The following WDFY4 variants were observed in gnomAD, a reference collection of about 807,000 sequenced individuals.
WDFY4 encodes WD repeat- and FYVE domain-containing protein 4.
A neutral mutation model predicts 351.9 loss-of-function variants in WDFY4; 169 were observed. The observed-to-expected ratio is 0.48, with a 90% CI of 0.42 to 0.55. The LOEUF is 0.55. Among genes scored for constraint, WDFY4 ranks in the 20% least tolerant of loss-of-function variants. WDFY4 has a pLI of 0.00. For missense variants in WDFY4, 3,803 were observed against 3,935.6 expected, an observed-to-expected ratio of 0.97 and a Z score of 0.90; for synonymous variants, 1,622 against 1,574.6, an observed-to-expected ratio of 1.03 and a Z score of -0.71.
intron 39 of WDFY4, among the ~76,000 whole-genome samples, chr10:48,846,348 G>A (rs1234844690): frequency 6.6e-6 from 1 of 152,176 alleles, no homozygotes; most frequent in Non-Finnish European, 1.5e-5. Flanking sequence ...CCTTCTGAAA[G>A]CCCACCAAGC....
At chr10:48,704,753 C>G (rs897183934) in intron 1 of WDFY4, among the ~76,000 whole-genome samples, 1 of 152,222 alleles carries the variant, frequency 6.6e-6, no homozygotes, top group African/African-American at 2.4e-5. Context: ...CACCGACTGG[C>G]GAAGGGACCC....
rs2136275528 is a variant in WDFY4, at chr10:48,684,938, T to A, written c.-81T>A. 2 of 152,600 alleles carry A rather than the reference T, an allele frequency of 1.3e-5. 1 individual carries two copies. Among genetic ancestry groups the A allele is most frequent in the South Asian group, 4.1e-4 (2 of 4,832 alleles). 9.5% of individuals were successfully genotyped at this position (152,600 alleles called of 1,614,324 possible). ...TCCTCTTCCCCCGAGCCTGAGGGGCTGCAGCTGGGGATAGGGGGCCCATGC... is the reference window on the plus strand; with the variant it reads ...TCCTCTTCCCCCGAGCCTGAGGGGCAGCAGCTGGGGATAGGGGGCCCATGC... On this transcript the variant is annotated 5_prime_UTR_variant, in exon 1 of 62. Coordinates refer to ENST00000325239, the MANE Select transcript of WDFY4 (RefSeq NM_001394531.1).
At chr10:48,915,319 G>A (rs1838414951) in intron 47 of WDFY4, among the ~76,000 whole-genome samples, 1 of 152,142 alleles carries the variant, frequency 6.6e-6, no homozygotes, top group South Asian at 2.1e-4. Context: ...GCTCAGAAGT[G>A]AGGAAGGTCT....
intron 14 of WDFY4, among the ~76,000 whole-genome samples, chr10:48,774,947 A>G (rs907195627): frequency 6.6e-6 from 1 of 151,668 alleles, no homozygotes; most frequent in South Asian, 2.1e-4. Flanking sequence ...TGTAGAGTTC[A>G]CTAGACAAAG....
In WDFY4 at chr10:48,817,376, G is replaced by A; in HGVS notation, c.5472G>A (p.Leu1824=). Residue 1824 remains leucine (L), a synonymous_variant, in exon 32 of 62, where the codon TTG becomes TTA. Coordinates refer to ENST00000325239, the MANE Select transcript of WDFY4 (RefSeq NM_001394531.1). The part of the protein sequence containing the change: ...AWRAPEFLQT[L]AIAAFPLGAQ... ...GAGCCCCGGAGTTCCTCCAGACCTT[G>A]GCCATAGCCGCCTTCCCCCTGGGAG... The A allele has an allele frequency of 6.4e-7, 1 of 1,551,356 alleles. No individual in the cohort carries two copies.
At chr10:48,710,075 A>G in intron 2 of WDFY4, 109 bp downstream of exon 2, 3 of 1,069,568 alleles carry the variant, frequency 2.8e-6, no homozygotes, top group Non-Finnish European at 3.9e-6. Context: ...GTGGACTCTG[A>G]TTGGTTGCTC....
chr10:48,852,328 C>T (rs781087298), intron 39 of WDFY4, among the ~76,000 whole-genome samples: 6 of 152,176 alleles, frequency 3.9e-5, no homozygotes, highest in Non-Finnish European at 7.3e-5. Flanking sequence ...CACTTGGCCT[C>T]GATATCTTCT....
intron 43 of WDFY4, chr10:48,877,912 G>A (rs2070094599): frequency 6.6e-6 from 1 of 152,354 alleles, no homozygotes; most frequent in African/African-American, 2.4e-5. Flanking sequence ...AATGGAAGAT[G>A]AAGCACATGT....
intron 11 of WDFY4, among the ~76,000 whole-genome samples, chr10:48,736,986 A>C (rs1007567270): frequency 1.3e-5 from 2 of 152,254 alleles, no homozygotes; most frequent in African/African-American, 4.8e-5. Flanking sequence ...AAATAGTTAA[A>C]TACATATAAC....
chr10:48,780,136 A>G lies in WDFY4; in HGVS notation c.3576+17A>G. 1.3e-6 allele frequency: 2 copies of G among 1,551,466 alleles called. No homozygotes were observed. Among genetic ancestry groups the G allele is most frequent in the Non-Finnish European group, 1.7e-6 (2 of 1,146,652 alleles). On this transcript the variant is annotated intron_variant, in intron 19 of 61. Transcript: ENST00000325239. The stretch of plus-strand genomic sequence containing the variant: ...TCTGCCAAGGTGAGATGGCTCCTCC[A>G]AGCTGCACTTGCCCCACAACCATAC...
intron 39 of WDFY4, among the ~76,000 whole-genome samples, chr10:48,836,617 T>G (rs2068403983): frequency 6.6e-6 from 1 of 152,208 alleles, no homozygotes; most frequent in Non-Finnish European, 1.5e-5. Flanking sequence ...GTAGAAAATG[T>G]TTTATTCCTG....
chr10:48,770,634 G>C (rs1170714303), intron 13 of WDFY4, among the ~76,000 whole-genome samples: 7 of 152,248 alleles, frequency 4.6e-5, no homozygotes, highest in Admixed American at 4.6e-4. Context: ...AAGGAAGAGA[G>C]AGTTGGAGCC....
At chr10:48,837,587 G>A (rs952289517) in intron 39 of WDFY4, among the ~76,000 whole-genome samples, 5 of 152,162 alleles carry the variant, frequency 3.3e-5, no homozygotes, top group African/African-American at 4.8e-5. Flanking sequence ...AGTGAGGCTG[G>A]GACAGGTGAG....
At chr10:48,788,452 G>A (rs2066567797) in intron 20 of WDFY4, 78 bp from the exon 21 acceptor site, 1 of 1,465,974 alleles carries the variant, frequency 6.8e-7, no homozygotes, top group East Asian at 2.5e-5. Context: ...CTGTGTGACA[G>A]AGATATTAAA....
chr10:48,706,574 A>G (rs542217248), intron 1 of WDFY4, among the ~76,000 whole-genome samples: 5 of 152,360 alleles, frequency 3.3e-5, no homozygotes, highest in African/African-American at 1.2e-4. Context: ...AAAAGATTAC[A>G]CATAGGGAAG....
chr10:48,697,112 C>A (rs1311846739), intron 1 of WDFY4, among the ~76,000 whole-genome samples: 2 of 152,156 alleles, frequency 1.3e-5, no homozygotes, highest in African/African-American at 2.4e-5. Flanking sequence ...TCACACAGCC[C>A]AGGCTAACAG....
At chr10:48,953,327 TCTCTCTCA>T (rs1158403930) in intron 51 of WDFY4, among the ~76,000 whole-genome samples, 37 of 118,990 alleles carry the variant, frequency 3.1e-4, no homozygotes, top group African/African-American at 6.0e-4. Context: ...TCTCTCTCTC[TCTCTCTCA>T]CACACACACA....
Position 48,828,733 on chromosome 10 carries a change from A to T in WDFY4, c.6222-45A>T, listed in dbSNP as rs549809469. 1.6e-5 allele frequency: 19 copies of T among 1,189,116 alleles called. No homozygotes were observed. In the South Asian group the frequency reaches 2.0e-4, roughly 13 times the overall value. 73.7% of individuals were successfully genotyped at this position (1,189,116 alleles called of 1,614,324 possible). A position where few individuals can be genotyped will look rare whatever the true frequency, so the allele number is the denominator to read the frequency against. On this transcript the variant is annotated intron_variant, in intron 36 of 61. Coordinates refer to ENST00000325239, the MANE Select transcript of WDFY4 (RefSeq NM_001394531.1). ...AAGAACAATAGAATGGTCTCAAGGA[A>T]ACTGGAATTTATTGGATTTTAGTGA...
intron 12 of WDFY4, among the ~76,000 whole-genome samples, chr10:48,747,286 ATCTTCACCAT>A (rs1326718925): frequency 2.6e-5 from 4 of 151,990 alleles, no homozygotes; most frequent in African/African-American, 9.7e-5. Context: ...CGCTTTTAAG[ATCTTCACCAT>A]TCTTGTTCTA....
Sources: gnomAD v4.1 joint callset for allele counts (sites outside exome capture counted in the v4.1 genomes callset) on GRCh38, gnomAD v4.1.1 for gene constraint, MANE v1.5 for transcripts, NCBI Gene and HGNC (gene_info 2026-07-23, HGNC 2026-07-21) for gene names.